Variants in ITGA8 observed in about 807,000 individuals in gnomAD.
ITGA8 encodes the protein integrin subunit alpha 8.
Under a neutral mutation model 142.3 loss-of-function variants are expected in ITGA8, and 91 were observed. The ratio of observed to expected loss-of-function variants is 0.64; its 90% CI spans 0.54 to 0.76. The LOEUF (loss-of-function observed/expected upper bound fraction) is 0.76. Among genes scored for constraint, ITGA8 ranks in the 30% least tolerant of loss-of-function variants. The pLI is 0.00. For missense variants in ITGA8, 1,406 were observed against 1,327.7 expected, an observed-to-expected ratio of 1.06 and a Z score of -0.92; for synonymous variants, 505 against 485.2, an observed-to-expected ratio of 1.04 and a Z score of -0.54.
At chr10:15,565,573 A>AGTTTT (rs1834062758) in intron 25 of ITGA8, among the ~76,000 whole-genome samples, 1 of 34,764 alleles carries the variant, frequency 2.9e-5, no homozygotes, top group African/African-American at 1.1e-4. Flanking sequence ...TCATGTCCTG[A>AGTTTT]TTTTTTTTTT....
intron 3 of ITGA8, among the ~76,000 whole-genome samples, chr10:15,686,379 C>T (rs1037563687): frequency 3.9e-5 from 6 of 152,226 alleles, no homozygotes; most frequent in Non-Finnish European, 7.4e-5. Context: ...TGCGAAAGCA[C>T]AGGGAAGTCT....
chr10:15,611,625 G>A (rs1302737525), intron 15 of ITGA8: 2 of 151,668 alleles, frequency 1.3e-5, no homozygotes, highest in East Asian at 1.9e-4. Context: ...CTGAGTAGCT[G>A]GGACTACAGG....
intron 19 of ITGA8, among the ~76,000 whole-genome samples, chr10:15,604,852 G>A (rs539612213): frequency 1.4e-4 from 22 of 152,142 alleles, no homozygotes; most frequent in African/African-American, 2.4e-4. Flanking sequence ...GAAATAATGA[G>A]AGGGAAGAAG....
intron 2 of ITGA8, among the ~76,000 whole-genome samples, chr10:15,712,656 G>A (rs1397130450): frequency 6.6e-6 from 1 of 152,056 alleles, no homozygotes; most frequent in Non-Finnish European, 1.5e-5. Flanking sequence ...TACTGTCATG[G>A]TATCCATCAG....
chr10:15,525,035 G>T (rs111310107), intron 28 of ITGA8, among the ~76,000 whole-genome samples: 5 of 152,066 alleles, frequency 3.3e-5, no homozygotes, highest in Admixed American at 1.3e-4. Context: ...TGGAGACAGG[G>T]TCTTGCTCTG....
intron 11 of ITGA8, among the ~76,000 whole-genome samples, chr10:15,652,801 C>A (rs1834112158): frequency 6.6e-6 from 1 of 152,164 alleles, no homozygotes; most frequent in South Asian, 2.1e-4. Context: ...CATACAGAGT[C>A]ATTCCACTGC....
At chr10:15,631,871 C>A (rs775717818) in intron 13 of ITGA8, among the ~76,000 whole-genome samples, 2 of 151,130 alleles carry the variant, frequency 1.3e-5, no homozygotes, top group African/African-American at 2.4e-5. Context: ...TAAATAATAT[C>A]CTATCATATA....
intron 3 of ITGA8, among the ~76,000 whole-genome samples, chr10:15,686,533 C>T (rs954296321): frequency 1.3e-5 from 2 of 152,194 alleles, no homozygotes; most frequent in Non-Finnish European, 2.9e-5. Flanking sequence ...TCAATCTGCT[C>T]AGTTTCACAT....
At chr10:15,670,652 A>G (rs1300455762) in intron 8 of ITGA8, among the ~76,000 whole-genome samples, 2 of 152,164 alleles carry the variant, frequency 1.3e-5, no homozygotes, top group Non-Finnish European at 2.9e-5. Context: ...ATCTCAATCA[A>G]ATCTACATAG....
chr10:15,702,582 C>A (rs900257628), intron 2 of ITGA8, among the ~76,000 whole-genome samples: 1 of 152,138 alleles, frequency 6.6e-6, no homozygotes, highest in Non-Finnish European at 1.5e-5. Context: ...TGAGCCACCG[C>A]GCGTGGCCCA....
intron 13 of ITGA8, among the ~76,000 whole-genome samples, chr10:15,617,565 A>G (rs1046981862): frequency 2.0e-5 from 3 of 152,006 alleles, no homozygotes; most frequent in African/African-American, 7.3e-5. Flanking sequence ...CGCCTGGCTG[A>G]TTTTTTGTAT....
intron 12 of ITGA8, among the ~76,000 whole-genome samples, chr10:15,646,517 A>G (rs1172704073): frequency 3.3e-5 from 5 of 152,188 alleles, no homozygotes. Flanking sequence ...GTTTCTGATA[A>G]CCGAATGTGT....
At chr10:15,692,920 T>G (rs777503993) in intron 2 of ITGA8, among the ~76,000 whole-genome samples, 3 of 152,014 alleles carry the variant, frequency 2.0e-5, no homozygotes, top group Non-Finnish European at 2.9e-5. Context: ...ATACAAACAT[T>G]AGCTGGGCGC....
intron 10 of ITGA8, 117 bp downstream of exon 10, chr10:15,658,882 C>A: frequency 1.4e-6 from 1 of 713,372 alleles, no homozygotes; most frequent in East Asian, 3.1e-5. Flanking sequence ...GGACAGTTTC[C>A]AGTACGTAGT....
intron 11 of ITGA8, among the ~76,000 whole-genome samples, chr10:15,653,087 G>A (rs538169753): frequency 5.3e-4 from 80 of 152,304 alleles, no homozygotes; most frequent in African/African-American, 1.8e-3. Flanking sequence ...CAGGGTTCAC[G>A]CTCCACAGCT....
intron 15 of ITGA8, 125 bp from the exon 16 acceptor site, chr10:15,608,415 A>C (rs936284769): frequency 3.4e-6 from 2 of 591,212 alleles, no homozygotes; most frequent in Non-Finnish European, 5.9e-6. Context: ...ACACACACAC[A>C]CACACACACC....
chr10:15,526,181 C>T (rs1667364080), intron 28 of ITGA8, among the ~76,000 whole-genome samples: 1 of 146,822 alleles, frequency 6.8e-6, no homozygotes, highest in East Asian at 2.0e-4. Context: ...TTATAAGATT[C>T]TTTTTTTTTT....
chr10:15,587,186 G>A (rs1360297658), intron 22 of ITGA8, among the ~76,000 whole-genome samples: 2 of 152,178 alleles, frequency 1.3e-5, no homozygotes, highest in African/African-American at 4.8e-5. Flanking sequence ...CTCCCAAAGT[G>A]CTGGGATTAC....
intron 13 of ITGA8, 117 bp from the exon 14 acceptor site, chr10:15,616,676 A>G: frequency 1.2e-6 from 1 of 804,656 alleles, no homozygotes; most frequent in Non-Finnish European, 2.1e-6. Flanking sequence ...GAGAGCCACA[A>G]AATTAGAAGA....
Sources: allele counts gnomAD v4.1 joint callset (sites outside exome capture counted in the v4.1 genomes callset), GRCh38; gene constraint gnomAD v4.1.1; transcripts MANE v1.5; gene names NCBI Gene and HGNC (gene_info 2026-07-23, HGNC 2026-07-21).